The following ATP8A1 variants were observed in gnomAD, a reference collection of about 807,000 sequenced individuals.
ATP8A1 encodes the protein ATPase phospholipid transporting 8A1, also known as phospholipid-transporting ATPase IA.
ATP8A1 carries 90 observed loss-of-function variants against 177.7 expected under a neutral mutation model. The ratio of observed to expected loss-of-function variants is 0.51; its 90% CI spans 0.43 to 0.60. ATP8A1 has a LOEUF of 0.60. ATP8A1 is among the 20% of genes least tolerant of loss of function. ATP8A1 has a pLI of 0.00. For synonymous variants in ATP8A1, 493 were observed against 485.9 expected (o/e 1.01, Z -0.19); for missense variants, 1,072 against 1,392.8 (o/e 0.77, Z 3.67).
intron 1 of ATP8A1, among the ~76,000 whole-genome samples, chr4:42,628,360 G>A (rs989489574): frequency 3.3e-5 from 5 of 152,140 alleles, no homozygotes; most frequent in African/African-American, 9.7e-5. Flanking sequence ...TGTGAGAAAC[G>A]GTGTCATGTG....
chr4:42,646,856 T>C (rs1024734269), intron 1 of ATP8A1, among the ~76,000 whole-genome samples: 2 of 152,084 alleles, frequency 1.3e-5, no homozygotes, highest in Non-Finnish European at 2.9e-5. Flanking sequence ...CAATTAGAGG[T>C]CTAATTAATC....
intron 33 of ATP8A1, among the ~76,000 whole-genome samples, chr4:42,439,069 T>C (rs1452073016): frequency 7.8e-6 from 1 of 128,878 alleles, no homozygotes; most frequent in Non-Finnish European, 1.7e-5. Flanking sequence ...GTCCTGATTG[T>C]GTGAATCTGC....
At chr4:42,639,814 T>C (rs2109542105) in intron 1 of ATP8A1, among the ~76,000 whole-genome samples, 1 of 152,320 alleles carries the variant, frequency 6.6e-6, no homozygotes, top group Middle Eastern at 3.4e-3. Context: ...CAAGACCCCT[T>C]ACCAAATCTG....
chr4:42,502,364 A>C (rs771209001), intron 24 of ATP8A1, among the ~76,000 whole-genome samples: 2 of 152,204 alleles, frequency 1.3e-5, no homozygotes, highest in African/African-American at 4.8e-5. Context: ...AACACAATGA[A>C]TATTTTTGAT....
At chr4:42,581,573 A>T (rs1478674177) in intron 10 of ATP8A1, 48 bp downstream of exon 10, 1 of 1,333,964 alleles carries the variant, frequency 7.5e-7, no homozygotes, top group Admixed American at 1.7e-5. Flanking sequence ...TAAATCATAC[A>T]CTCACAAAAG....
intron 22 of ATP8A1, among the ~76,000 whole-genome samples, chr4:42,513,349 A>G (rs141315637): frequency 0.01 from 1,540 of 152,284 alleles, 25 homozygotes; most frequent in African/African-American, 0.036. Context: ...AAAATGTTAT[A>G]CACATTGTAT....
At chr4:42,551,752 T>C (rs190446333) in intron 17 of ATP8A1, among the ~76,000 whole-genome samples, 1 of 152,304 alleles carries the variant, frequency 6.6e-6, no homozygotes, top group East Asian at 1.9e-4. Flanking sequence ...TCATGTTAAA[T>C]AAAACCTTTT....
At position 42,425,209 on chromosome 4, in the gene ATP8A1, T is replaced by C. The variant is rs921813307; in HGVS notation, c.3124-1504A>G. On this transcript the variant is annotated intron_variant, in intron 33 of 36. Transcript: ENST00000381668. ...ACATTTACTTGGCTTAATTTTAATA[T>C]ATTTTAATTTGGTTGGGGGGGGGCA... is the stretch of plus-strand genomic sequence containing the variant. Among the ~76,000 whole-genome samples, 6 of 152,178 alleles carry C rather than the reference T, an allele frequency of 3.9e-5. No homozygotes were observed. In the South Asian group the frequency reaches 1.2e-3, roughly 32 times the overall value.
intron 1 of ATP8A1, among the ~76,000 whole-genome samples, chr4:42,644,582 G>C (rs1423926259): frequency 2.0e-5 from 3 of 152,078 alleles, no homozygotes; most frequent in Non-Finnish European, 4.4e-5. Context: ...AATCACGAAT[G>C]CTGGACACAA....
At chr4:42,522,084 C>T in intron 22 of ATP8A1, 76 bp downstream of exon 22, 1 of 1,490,502 alleles carries the variant, frequency 6.7e-7, no homozygotes, top group South Asian at 1.3e-5. Flanking sequence ...ATTTTTATTC[C>T]ATTGGTTCCT....
At chr4:42,584,038 A>G (rs1487512511) in intron 9 of ATP8A1, among the ~76,000 whole-genome samples, 1 of 152,254 alleles carries the variant, frequency 6.6e-6, no homozygotes, top group East Asian at 1.9e-4. Flanking sequence ...CACGGATTAC[A>G]GGAAAGCTTT....
At chr4:42,494,285 C>T (rs1426120321) in intron 24 of ATP8A1, among the ~76,000 whole-genome samples, 1 of 151,494 alleles carries the variant, frequency 6.6e-6, no homozygotes, top group Non-Finnish European at 1.5e-5. Flanking sequence ...CCAGCCTGGC[C>T]AATATGGTGA....
intron 33 of ATP8A1, among the ~76,000 whole-genome samples, chr4:42,440,762 G>A (rs187942028): frequency 1.8e-3 from 280 of 152,180 alleles, no homozygotes; most frequent in Non-Finnish European, 3.4e-3. Flanking sequence ...TTCAGTCAAC[G>A]TCCCTTTAGA....
At chr4:42,644,839 G>T (rs971777683) in intron 1 of ATP8A1, among the ~76,000 whole-genome samples, 3 of 151,784 alleles carry the variant, frequency 2.0e-5, no homozygotes, top group Admixed American at 6.6e-5. Context: ...ATTATTTCAT[G>T]TCATAATGGG....
At chr4:42,588,353 C>G in intron 7 of ATP8A1, 24 bp from the exon 8 acceptor site, 2 of 1,597,890 alleles carry the variant, frequency 1.3e-6, no homozygotes, top group Non-Finnish European at 1.7e-6. Context: ...TTGAGAAGCA[C>G]AAAGATTTAG....
intron 20 of ATP8A1, among the ~76,000 whole-genome samples, chr4:42,536,306 A>T (rs1727822121): frequency 6.6e-6 from 1 of 152,206 alleles, no homozygotes; most frequent in South Asian, 2.1e-4. Flanking sequence ...AGTACAAAAG[A>T]TCATTCAAGG....
At chr4:42,475,963 C>T (rs1021999355) in intron 25 of ATP8A1, among the ~76,000 whole-genome samples, 4 of 151,832 alleles carry the variant, frequency 2.6e-5, no homozygotes, top group Admixed American at 1.3e-4. Flanking sequence ...CACTTGAACC[C>T]GGGGAGGCAG....
rs778516890 is a variant in ATP8A1 at position 42,581,648 on chromosome 4, G to A, written c.807C>T (p.Tyr269=). ...NTQWVHGIVV[Y]TGHDTKLMQN... is the part of the protein sequence containing the mutation. ...GCATCAGCTTGGTGTCATGTCCAGT[G>A]TAGACAACTATTCCATGAACCCACT... is the stretch of plus-strand genomic sequence containing the variant. Residue 269 remains tyrosine (Y), a synonymous_variant, in exon 10 of 37, where the codon TAC becomes TAT. Transcript: ENST00000381668. The A allele has an allele frequency of 1.5e-5, 25 of 1,613,916 alleles. No homozygotes were observed. In the Admixed American group the frequency reaches 3.8e-4, roughly 25 times the overall value.
intron 2 of ATP8A1, 55 bp from the exon 3 acceptor site, chr4:42,625,768 C>A: frequency 9.3e-7 from 1 of 1,080,160 alleles, no homozygotes; most frequent in Non-Finnish European, 1.4e-6. Flanking sequence ...AGCACCCACA[C>A]TTACAAAGTT....
Sources: gnomAD v4.1 joint callset for allele counts (sites outside exome capture counted in the v4.1 genomes callset) on GRCh38, gnomAD v4.1.1 for gene constraint, MANE v1.5 for transcripts, NCBI Gene and HGNC (gene_info 2026-07-23, HGNC 2026-07-21) for gene names.